Variants in ESRRB observed in about 807,000 individuals in gnomAD.
ESRRB encodes steroid hormone receptor ERR2.
In ESRRB, 16 loss-of-function variants were observed where a neutral mutation model predicts 46.0. The ratio of observed to expected loss-of-function variants is 0.35; its 90% CI spans 0.24 to 0.53. The LOEUF (loss-of-function observed/expected upper bound fraction) is 0.53. ESRRB is among the 20% of genes least tolerant of loss of function. The probability of loss-of-function intolerance (pLI) is 0.93; values close to 1 mark genes in which losing one functional copy is unlikely to be tolerated. For synonymous variants in ESRRB, 246 were observed against 259.6 expected (o/e 0.95, Z 0.50); for missense variants, 488 against 607.4 (o/e 0.80, Z 2.07).
intron 1 of ESRRB, among the ~76,000 whole-genome samples, chr14:76,316,258 G>A (rs905693913): frequency 1.3e-5 from 2 of 152,148 alleles, no homozygotes; most frequent in Non-Finnish European, 2.9e-5. Flanking sequence ...TCCCATGCAG[G>A]GACTCACGAT....
At chr14:76,461,838 G>T (rs1357006193) in intron 2 of ESRRB, among the ~76,000 whole-genome samples, 1 of 152,178 alleles carries the variant, frequency 6.6e-6, no homozygotes, top group Non-Finnish European at 1.5e-5. Flanking sequence ...ACCCATGAAA[G>T]GAGTGGCCTG....
At chr14:76,483,309 T>G (rs1256108362) in intron 5 of ESRRB, among the ~76,000 whole-genome samples, 4 of 152,218 alleles carry the variant, frequency 2.6e-5, no homozygotes, top group African/African-American at 9.6e-5. Context: ...TGAGCTTTGA[T>G]GTGAGCATGA....
At chr14:76,416,199 G>A (rs536978865) in intron 1 of ESRRB, among the ~76,000 whole-genome samples, 2 of 143,836 alleles carry the variant, frequency 1.4e-5, no homozygotes, top group African/African-American at 5.2e-5. Flanking sequence ...GCAGTGGTGT[G>A]ATCATAGCTC....
chr14:76,353,066 T>C (rs933414290), intron 1 of ESRRB, among the ~76,000 whole-genome samples: 8 of 152,134 alleles, frequency 5.3e-5, no homozygotes, highest in African/African-American at 1.9e-4. Flanking sequence ...ACCCTAGACC[T>C]TGGCTTTCTC....
intron 1 of ESRRB, among the ~76,000 whole-genome samples, chr14:76,335,922 C>T (rs1298134941): frequency 1.3e-5 from 2 of 152,152 alleles, no homozygotes; most frequent in Admixed American, 1.3e-4. Context: ...CACAACAACC[C>T]CAGAATAGCT....
chr14:76,479,258 T>TGC (rs1808569352), intron 3 of ESRRB, among the ~76,000 whole-genome samples: 1 of 152,154 alleles, frequency 6.6e-6, no homozygotes. Flanking sequence ...TGCGTGTGTG[T>TGC]GTGTGTGCTG....
At chr14:76,475,064 T>C (rs1889524245) in intron 3 of ESRRB, among the ~76,000 whole-genome samples, 1 of 151,392 alleles carries the variant, frequency 6.6e-6, no homozygotes. Flanking sequence ...CCCCCATCTT[T>C]GCAAAAAAAT....
upstream of ESRRB, among the ~76,000 whole-genome samples, chr14:76,370,086 A>G (rs890011166): frequency 1.3e-5 from 2 of 152,162 alleles, no homozygotes; most frequent in Admixed American, 6.6e-5. Context: ...GTAATCAACT[A>G]TGTATGCTCA....
upstream of ESRRB, among the ~76,000 whole-genome samples, chr14:76,369,756 T>C (rs1317310649): frequency 6.6e-6 from 1 of 152,228 alleles, no homozygotes; most frequent in African/African-American, 2.4e-5. Context: ...AATGTTGAAT[T>C]TTCTGTCATT....
At chr14:76,412,921 G>T (rs1211871847) in intron 1 of ESRRB, among the ~76,000 whole-genome samples, 1 of 152,128 alleles carries the variant, frequency 6.6e-6, no homozygotes, top group African/African-American at 2.4e-5. Flanking sequence ...TTCAACACCA[G>T]TCTGGGCAAC....
At chr14:76,405,158 T>C (rs1886124185) in intron 1 of ESRRB, among the ~76,000 whole-genome samples, 1 of 152,136 alleles carries the variant, frequency 6.6e-6, no homozygotes, top group South Asian at 2.1e-4. Flanking sequence ...TGGAGTGCAG[T>C]GGCGTGATCA....
At position 76,482,507 on chromosome 14, in the gene ESRRB, A is replaced by G; in HGVS notation, c.689-91A>G. 2 of 1,400,698 alleles carry G rather than the reference A, an allele frequency of 1.4e-6. No individual in the cohort carries two copies. The highest frequency in any genetic ancestry group is 2.0e-6 in the Non-Finnish European group (2 of 992,508). 86.8% of individuals were successfully genotyped at this position (1,400,698 alleles called of 1,614,324 possible). A position where few individuals can be genotyped will look rare whatever the true frequency, so the allele number is the denominator to read the frequency against. Reference sequence around the variant, plus strand: ...TTTGACCTTCCTGGAGCTCTTAGGAACCCAACTTTGCTTCCTGACCCATCT... The same window carrying G: ...TTTGACCTTCCTGGAGCTCTTAGGAGCCCAACTTTGCTTCCTGACCCATCT... On this transcript the variant is annotated intron_variant, in intron 4 of 6. Coordinates refer to ENST00000644823, the MANE Select transcript of ESRRB (RefSeq NM_001379180.1). This position sits in a 1 kb window ranked among gnomAD's most constrained non-coding sequence, Gnocchi z 4.3.
intron 1 of ESRRB, among the ~76,000 whole-genome samples, chr14:76,358,557 TG>T (rs1474649635): frequency 2.0e-5 from 3 of 151,904 alleles, no homozygotes; most frequent in Non-Finnish European, 4.4e-5. Context: ...TTCAGTTAAC[TG>T]TATGCTTAGG....
chr14:76,386,526 G>A (rs567780749), intron 1 of ESRRB, among the ~76,000 whole-genome samples: 1 of 145,532 alleles, frequency 6.9e-6, no homozygotes, highest in African/African-American at 2.6e-5. Flanking sequence ...ACACGATCTC[G>A]GCTCACTGTA....
At chr14:76,440,651 A>G (rs149427011) in intron 2 of ESRRB, among the ~76,000 whole-genome samples, 3 of 147,486 alleles carry the variant, frequency 2.0e-5, no homozygotes, top group African/African-American at 5.0e-5. Context: ...TAAGACCTGT[A>G]TTTTCTTTCC....
At chr14:76,415,423 A>C (rs1214740773) in intron 1 of ESRRB, among the ~76,000 whole-genome samples, 1 of 152,114 alleles carries the variant, frequency 6.6e-6, no homozygotes, top group Non-Finnish European at 1.5e-5. Context: ...GCACTTTGGG[A>C]GGCCGAGACG....
intron 1 of ESRRB, among the ~76,000 whole-genome samples, chr14:76,401,067 A>G (rs541819900): frequency 6.6e-6 from 1 of 152,348 alleles, no homozygotes; most frequent in South Asian, 2.1e-4. Flanking sequence ...GGCCCAGGCC[A>G]CTACTGAGCC....
chr14:76,334,499 A>G (rs1415874739), intron 1 of ESRRB, among the ~76,000 whole-genome samples: 1 of 152,116 alleles, frequency 6.6e-6, no homozygotes, highest in African/African-American at 2.4e-5. Context: ...CTGGAGGGGG[A>G]ATATTAATGA....
chr14:76,325,810 G>C (rs1482483239), intron 1 of ESRRB, among the ~76,000 whole-genome samples: 1 of 152,184 alleles, frequency 6.6e-6, no homozygotes, highest in African/African-American at 2.4e-5. Flanking sequence ...CCATGAGGGC[G>C]CGCTGGCCCG....
Sources: gnomAD v4.1 joint callset for allele counts (sites outside exome capture counted in the v4.1 genomes callset) on GRCh38, gnomAD v4.1.1 for gene constraint, Gnocchi (gnomAD v3.1) non-coding constraint, MANE v1.5 for transcripts, NCBI Gene and HGNC (gene_info 2026-07-23, HGNC 2026-07-21) for gene names.